The following PKP2 variants were observed in gnomAD, a reference collection of about 807,000 sequenced individuals.
PKP2 encodes plakophilin-2.
Under a neutral mutation model 83.4 loss-of-function variants are expected in PKP2, and 73 were observed. The observed-to-expected ratio is 0.88, with a 90% confidence interval of 0.72 to 1.06. The LOEUF (loss-of-function observed/expected upper bound fraction) is 1.06, where lower values mean the gene tolerates loss of function less well. Among genes scored for constraint, PKP2 ranks in the 50% least tolerant of loss-of-function variants. The pLI, the probability that PKP2 is intolerant of heterozygous loss-of-function variation, is 0.00. For missense variants in PKP2, 966 were observed against 1,065.4 expected (o/e 0.91, Z 1.30); for synonymous variants, 409 against 430.4 (o/e 0.95, Z 0.62).
chr12:32,854,906 T>C (rs1956731749), intron 4 of PKP2, among the ~76,000 whole-genome samples: 1 of 152,126 alleles, frequency 6.6e-6, no homozygotes, highest in Non-Finnish European at 1.5e-5. Context: ...TGCTCTTGCT[T>C]CCTCCTCCTG....
chr12:32,803,431 AT>A (rs1161759978), intron 9 of PKP2, among the ~76,000 whole-genome samples: 36 of 152,194 alleles, frequency 2.4e-4, no homozygotes, highest in African/African-American at 7.9e-4. Context: ...GGTTATTAAC[AT>A]TTTTTCCATC....
chr12:32,845,030 G>A (rs1956632805), intron 5 of PKP2, among the ~76,000 whole-genome samples: 1 of 152,064 alleles, frequency 6.6e-6, no homozygotes, highest in African/African-American at 2.4e-5. Context: ...ATGTCTACTA[G>A]TATAGCTCTT....
At chr12:32,894,852 T>C (rs1484561617) in intron 1 of PKP2, 1 of 152,274 alleles carries the variant, frequency 6.6e-6, no homozygotes, top group East Asian at 1.9e-4. Context: ...CCGCAGTCTT[T>C]AGTCAGACCC....
chr12:32,884,316 T>C (rs1280268896), intron 1 of PKP2, among the ~76,000 whole-genome samples: 4 of 152,120 alleles, frequency 2.6e-5, no homozygotes, highest in Admixed American at 2.6e-4. Context: ...TAGCCGGGCG[T>C]GGTGGCAGGC....
At chr12:32,843,563 A>T (rs1956620223) in intron 5 of PKP2, among the ~76,000 whole-genome samples, 1 of 152,060 alleles carries the variant, frequency 6.6e-6, no homozygotes, top group South Asian at 2.1e-4. Flanking sequence ...ACTTTTTGAA[A>T]CTGTAACCAG....
chr12:32,896,210 T>C (rs1272931096), intron 1 of PKP2, among the ~76,000 whole-genome samples: 6 of 152,066 alleles, frequency 3.9e-5, no homozygotes, highest in Admixed American at 3.9e-4. Context: ...TCCGCACCAG[T>C]GAGGGGCGCG....
intron 1 of PKP2, among the ~76,000 whole-genome samples, chr12:32,890,952 C>CAAAAAAAAAAAAA: frequency 1.4e-5 from 1 of 70,300 alleles, no homozygotes; most frequent in Non-Finnish European, 3.2e-5. Flanking sequence ...AAGAGCGAAA[C>CAAAAAAAAAAAAA]AAAAAAAAAA....
intron 4 of PKP2, among the ~76,000 whole-genome samples, chr12:32,866,544 C>A (rs1956850298): frequency 1.8e-5 from 2 of 108,798 alleles, no homozygotes; most frequent in African/African-American, 4.2e-5. Context: ...GAGGCAGATC[C>A]TTTCTCAAAA....
At chr12:32,887,729 G>C (rs35991895) in intron 1 of PKP2, among the ~76,000 whole-genome samples, 21,415 of 152,292 alleles carry the variant, frequency 0.14, 1,876 homozygotes, top group Non-Finnish European at 0.18. Context: ...CAGCGCTTTA[G>C]GCGTGAGCCA....
At chr12:32,834,541 C>G (rs1051296369) in intron 6 of PKP2, among the ~76,000 whole-genome samples, 5 of 152,158 alleles carry the variant, frequency 3.3e-5, no homozygotes, top group Admixed American at 6.5e-5. Context: ...TCTCACTGCT[C>G]TTGGGGCAAG....
intron 6 of PKP2, among the ~76,000 whole-genome samples, chr12:32,835,505 A>G (rs1347948792): frequency 6.6e-6 from 1 of 152,114 alleles, no homozygotes; most frequent in East Asian, 1.9e-4. Flanking sequence ...AAAAAAAGAT[A>G]TTTTAGCAGC....
rs555158363 is a variant in PKP2 at position 32,808,928 on chromosome 12, A to C, written c.2014-6372T>G. Among the ~76,000 whole-genome samples, 56 of 152,208 alleles carry C rather than the reference A, an allele frequency of 3.7e-4. 1 individual carries two copies. Among genetic ancestry groups the C allele is most frequent in the African/African-American group, 1.3e-3 (56 of 41,530 alleles). ...ACACTCCATCCCAGGGTGGGTACTG[A>C]CCTGCTGCTGGCCCAAATGCTCGTT... On this transcript the variant is annotated intron_variant, in intron 9 of 12. Transcript: ENST00000340811.
At chr12:32,893,570 GTGT>G (rs1439131914) in intron 1 of PKP2, 1 of 152,168 alleles carries the variant, frequency 6.6e-6, no homozygotes, top group Non-Finnish European at 1.5e-5. Context: ...AAGTAAGTAG[GTGT>G]TGTTTGCTGC....
chr12:32,800,536 T>C (rs1956169762), intron 10 of PKP2, among the ~76,000 whole-genome samples: 1 of 152,254 alleles, frequency 6.6e-6, no homozygotes, highest in African/African-American at 2.4e-5. Flanking sequence ...GTTTCAGTCC[T>C]GGTTCTGCTA....
chr12:32,824,309 C>A, intron 6 of PKP2, 147 bp from the exon 7 acceptor site: 1 of 697,046 alleles, frequency 1.4e-6, no homozygotes. Context: ...GTCAACAAAT[C>A]ATTGACTGCT....
chr12:32,815,659 A>G (rs1304080504), intron 9 of PKP2, among the ~76,000 whole-genome samples: 1 of 152,232 alleles, frequency 6.6e-6, no homozygotes, highest in Non-Finnish European at 1.5e-5. Flanking sequence ...CTTGAGAACT[A>G]AAATCTCGCT....
chr12:32,805,713 G>A (rs1956220160), intron 9 of PKP2, among the ~76,000 whole-genome samples: 2 of 152,140 alleles, frequency 1.3e-5, no homozygotes, highest in South Asian at 4.2e-4. Context: ...TGGTAGCCCT[G>A]TAACACAGTT....
intron 1 of PKP2, among the ~76,000 whole-genome samples, chr12:32,883,488 T>C (rs868856865): frequency 5.9e-5 from 9 of 152,214 alleles, no homozygotes; most frequent in Admixed American, 1.3e-4. Flanking sequence ...GTGATGACCG[T>C]TGAACATATA....
intron 1 of PKP2, among the ~76,000 whole-genome samples, chr12:32,881,423 AT>A (rs1358412941): frequency 1.3e-5 from 2 of 151,510 alleles, no homozygotes; most frequent in East Asian, 3.9e-4. Context: ...AAGAAAAAAA[AT>A]TTTTTTCTAT....
Sources: gnomAD v4.1 joint callset for allele counts (sites outside exome capture counted in the v4.1 genomes callset) on GRCh38, gnomAD v4.1.1 for gene constraint, MANE v1.5 for transcripts, NCBI Gene and HGNC (gene_info 2026-07-23, HGNC 2026-07-21) for gene names.